KIF1B: variants seen among roughly 807,000 people sequenced by gnomAD.
KIF1B encodes kinesin family member 1B.
KIF1B carries 76 observed loss-of-function variants against 241.9 expected under a neutral mutation model. That is an observed-to-expected ratio of 0.31 (90% CI 0.26 to 0.38). The LOEUF (loss-of-function observed/expected upper bound fraction) is 0.38. Among genes scored for constraint, KIF1B ranks in the 10% least tolerant of loss-of-function variants. The pLI is 1.00. For missense variants in KIF1B, 1,622 were observed against 2,271.4 expected, an observed-to-expected ratio of 0.71 and a Z score of 5.81; for synonymous variants, 750 against 796.7, an observed-to-expected ratio of 0.94 and a Z score of 0.99.
chr1:10,320,121 G>A lies in KIF1B; in HGVS notation c.2194G>A (p.Glu732Lys). ...SLAAETTEEEEEEEEVPWTQH... is the reference protein window; with the variant it reads ...SLAAETTEEEKEEEEVPWTQH... Reference sequence around the variant, plus strand: ...GGCTGCAGAAACAACTGAAGAGGAGGAAGAAGAGGAAGAAGGTGAAATCTA... The same window carrying A: ...GGCTGCAGAAACAACTGAAGAGGAGAAAGAAGAGGAAGAAGGTGAAATCTA... Residue 732 changes from glutamate (E) to lysine (K), a missense_variant, in exon 23 of 49, where the codon GAA becomes AAA. Around this residue, in one of 7 missense-constraint regions of KIF1B, gnomAD observed 803 missense variants for 1,112.0 expected, o/e 0.72. Transcript: ENST00000676179. 1 of 1,612,178 alleles carries A rather than the reference G, an allele frequency of 6.2e-7. No individual in the cohort carries two copies. The highest frequency in any genetic ancestry group is 1.1e-5 in the South Asian group (1 of 91,040).
At chr1:10,215,320 G>A (rs1646754560) in intron 1 of KIF1B, among the ~76,000 whole-genome samples, 1 of 150,346 alleles carries the variant, frequency 6.7e-6, no homozygotes, top group Non-Finnish European at 1.5e-5. Context: ...GGGATTACAG[G>A]CCTGTGCCAC....
At chr1:10,251,223 C>A (rs1209455934) in intron 2 of KIF1B, among the ~76,000 whole-genome samples, 2 of 151,756 alleles carry the variant, frequency 1.3e-5, no homozygotes, top group Non-Finnish European at 2.9e-5. Flanking sequence ...TTAGGAAAAT[C>A]TATTAGTTTC....
intron 28 of KIF1B, among the ~76,000 whole-genome samples, chr1:10,335,224 G>A (rs1386948915): frequency 1.3e-5 from 2 of 152,066 alleles, no homozygotes; most frequent in African/African-American, 2.4e-5. Flanking sequence ...AGGATTACGG[G>A]TGTGGGCCAT....
chr1:10,212,879 C>T (rs1389902786), intron 1 of KIF1B, among the ~76,000 whole-genome samples: 4 of 93,520 alleles, frequency 4.3e-5, no homozygotes, highest in Admixed American at 1.3e-4. Flanking sequence ...TGTGTGTGTG[C>T]ATGCGTGTGT....
intron 2 of KIF1B, among the ~76,000 whole-genome samples, chr1:10,243,929 C>G (rs1647171850): frequency 6.6e-6 from 1 of 150,688 alleles, no homozygotes; most frequent in Non-Finnish European, 1.5e-5. Context: ...TAGAATCATT[C>G]AAAATTTGCT....
intron 17 of KIF1B, among the ~76,000 whole-genome samples, chr1:10,292,959 G>A (rs1162708471): frequency 6.6e-6 from 1 of 152,132 alleles, no homozygotes; most frequent in Non-Finnish European, 1.5e-5. Flanking sequence ...AGGTTCTGTT[G>A]ATGATCTCTC....
intron 2 of KIF1B, among the ~76,000 whole-genome samples, chr1:10,253,296 G>T (rs1344348784): frequency 6.6e-6 from 1 of 152,090 alleles, no homozygotes; most frequent in East Asian, 1.9e-4. Context: ...TTATCTATCT[G>T]TAAAATGGGG....
intron 22 of KIF1B, among the ~76,000 whole-genome samples, chr1:10,317,914 T>C (rs1388503191): frequency 6.6e-6 from 1 of 151,426 alleles, no homozygotes; most frequent in Admixed American, 6.6e-5. Context: ...GTTCATCTCT[T>C]GGTCCTTCCT....
At chr1:10,285,644 A>G (rs1239886018) in intron 15 of KIF1B, among the ~76,000 whole-genome samples, 1 of 152,232 alleles carries the variant, frequency 6.6e-6, no homozygotes, top group African/African-American at 2.4e-5. Flanking sequence ...TTGAGTTTTT[A>G]ATGCAGTGTG....
At chr1:10,239,756 C>T (rs1647108287) in intron 2 of KIF1B, among the ~76,000 whole-genome samples, 1 of 151,742 alleles carries the variant, frequency 6.6e-6, no homozygotes, top group African/African-American at 2.4e-5. Flanking sequence ...TACAGGCGCC[C>T]ACCACCATGC....
At chr1:10,327,678 C>G (rs2102303688) in intron 27 of KIF1B, among the ~76,000 whole-genome samples, 1 of 152,202 alleles carries the variant, frequency 6.6e-6, no homozygotes, top group Non-Finnish European at 1.5e-5. Context: ...TCATCTCCAG[C>G]CTTCATGCTG....
Position 10,360,879 on chromosome 1 carries a change from C to T in KIF1B, c.4056-50C>T, listed in dbSNP as rs3748579. 408,836 of 1,265,516 alleles carry T rather than the reference C, an allele frequency of 0.32. 66,950 individuals carry two copies. Among genetic ancestry groups the T allele is most frequent in the Admixed American group, 0.38 (22,392 of 59,426 alleles). 78.4% of individuals were successfully genotyped at this position (1,265,516 alleles called of 1,614,324 possible). On this transcript the variant is annotated intron_variant, in intron 38 of 48. Transcript: ENST00000676179. ...TTGACAGTGGCAGTACCTGGACTAA[C>T]GTGACTTTAGCTTCTTTTGGATGAT...
chr1:10,219,186 G>T (rs1362347976), intron 1 of KIF1B, among the ~76,000 whole-genome samples: 2 of 152,232 alleles, frequency 1.3e-5, no homozygotes, highest in African/African-American at 4.8e-5. Context: ...GTACGGCCGG[G>T]CGCGGTGGCT....
In KIF1B at chr1:10,278,021, C is replaced by G; in HGVS notation, c.1073C>G (p.Ala358Gly). The change falls in exon 13 of 49, where the codon GCT becomes GGT. Residue 358 changes from alanine (A) to glycine (G), a missense_variant. Coordinates refer to ENST00000676179, the MANE Select transcript of KIF1B (RefSeq NM_001365951.3). ...ADRAKQIKCN[A>G]VINEDPNAKL... ...CGTGCAAAACAAATTAAATGCAATGCTGTTATCAATGAGGACCCCAATGCC... is the reference window on the plus strand; with the variant it reads ...CGTGCAAAACAAATTAAATGCAATGGTGTTATCAATGAGGACCCCAATGCC... 6.2e-7 allele frequency: 1 copy of G among 1,613,900 alleles called. No individual in the cohort carries two copies. Among genetic ancestry groups the G allele is most frequent in the Non-Finnish European group, 8.5e-7 (1 of 1,179,880 alleles).
chr1:10,227,904 G>A (rs1322447961), intron 1 of KIF1B: 1 of 154,448 alleles, frequency 6.5e-6, no homozygotes, highest in East Asian at 1.9e-4. Flanking sequence ...CTTACCCTCA[G>A]CCGGGTGCTG....
chr1:10,313,360 C>T (rs958475306), intron 22 of KIF1B, among the ~76,000 whole-genome samples: 4 of 151,150 alleles, frequency 2.6e-5, no homozygotes, highest in African/African-American at 9.9e-5. Flanking sequence ...AGCCACCACG[C>T]CTAGCCTAGT....
Position 10,232,244 on chromosome 1 carries a change from T to A in KIF1B, c.-79-6T>A. The A allele has an allele frequency of 9.2e-7, 1 of 1,083,064 alleles. No homozygotes were observed. The highest frequency in any genetic ancestry group is 2.0e-5 in the Admixed American group (1 of 49,304). The allele number at this position is 1,083,064 out of a possible 1,614,324, so 67.1% of individuals were successfully genotyped here. On this transcript the variant is annotated splice_polypyrimidine_tract_variant and splice_region_variant and intron_variant, in intron 1 of 48. Transcript: ENST00000676179. ...TACCTCATATGGAATTTTTTTCTTT[T>A]CAAAGGAAACTTGGCTGTAACTTCA... is the stretch of plus-strand genomic sequence containing the variant.
At chr1:10,343,367 T>G in intron 34 of KIF1B, 80 bp downstream of exon 34, 1 of 1,375,832 alleles carries the variant, frequency 7.3e-7, no homozygotes, top group Non-Finnish European at 1.0e-6. Context: ...CAAATAGAAG[T>G]CATGTTTGAA....
At chr1:10,225,908 C>G (rs1417736520) in intron 1 of KIF1B, among the ~76,000 whole-genome samples, 1 of 152,034 alleles carries the variant, frequency 6.6e-6, no homozygotes, top group Non-Finnish European at 1.5e-5. Flanking sequence ...TAGATCTGTA[C>G]TTCAGGAAGG....
Sources: gnomAD v4.1 joint callset for allele counts (sites outside exome capture counted in the v4.1 genomes callset) on GRCh38, gnomAD v4.1.1 for gene constraint, gnomAD v4.1.1 regional missense constraint, MANE v1.5 for transcripts, NCBI Gene and HGNC (gene_info 2026-07-23, HGNC 2026-07-21) for gene names.